CTNNA2: variants seen among roughly 807,000 people sequenced by gnomAD.
The protein encoded by CTNNA2 is catenin alpha-2.
In CTNNA2, 42 loss-of-function variants were observed where a neutral mutation model predicts 101.0. The observed-to-expected ratio is 0.42, with a 90% confidence interval of 0.32 to 0.54. The LOEUF (loss-of-function observed/expected upper bound fraction) is 0.54, where lower values mean the gene tolerates loss of function less well. CTNNA2 is among the 20% of genes least tolerant of loss of function. The pLI, the probability that CTNNA2 is intolerant of heterozygous loss-of-function variation, is 0.14. For synonymous variants in CTNNA2, 450 were observed against 456.4 expected, an observed-to-expected ratio of 0.99 and a Z score of 0.18; for missense variants, 871 against 1,223.1, an observed-to-expected ratio of 0.71 and a Z score of 4.29.
intron 11 of CTNNA2, among the ~76,000 whole-genome samples, chr2:80,550,430 A>C (rs1692466688): frequency 6.6e-6 from 1 of 152,148 alleles, no homozygotes; most frequent in African/African-American, 2.4e-5. Flanking sequence ...TGATGCGTTG[A>C]TTGACTATTC....
chr2:79,680,529 T>C (rs1315248453), intron 2 of CTNNA2, among the ~76,000 whole-genome samples: 1 of 152,200 alleles, frequency 6.6e-6, no homozygotes, highest in Non-Finnish European at 1.5e-5. Flanking sequence ...TCCTTGAATG[T>C]ACCACACTGA....
At chr2:80,497,678 T>C (rs1687574470) in intron 9 of CTNNA2, among the ~76,000 whole-genome samples, 1 of 152,166 alleles carries the variant, frequency 6.6e-6, no homozygotes, top group Non-Finnish European at 1.5e-5. Context: ...TGTTACATTA[T>C]ATTAAACTCC....
intron 7 of CTNNA2, among the ~76,000 whole-genome samples, chr2:79,983,439 G>C (rs1691531163): frequency 6.6e-6 from 1 of 152,090 alleles, no homozygotes; most frequent in Non-Finnish European, 1.5e-5. Flanking sequence ...TACAGATGCT[G>C]ACTAGGATAG....
intron 7 of CTNNA2, among the ~76,000 whole-genome samples, chr2:80,321,409 A>C (rs1678670148): frequency 6.6e-6 from 1 of 152,230 alleles, no homozygotes; most frequent in Non-Finnish European, 1.5e-5. Flanking sequence ...AAACACTCCC[A>C]GTACAGTGTA....
chr2:80,492,891 C>A (rs1037569989), intron 9 of CTNNA2, among the ~76,000 whole-genome samples: 2 of 152,120 alleles, frequency 1.3e-5, no homozygotes, highest in Non-Finnish European at 2.9e-5. Context: ...CCATAATTCC[C>A]TTGGCGGACT....
At chr2:80,148,125 C>T (rs1232358322) in intron 7 of CTNNA2, among the ~76,000 whole-genome samples, 3 of 152,106 alleles carry the variant, frequency 2.0e-5, no homozygotes, top group Non-Finnish European at 4.4e-5. Context: ...CTCTTTCCTC[C>T]ATTGCAAATA....
chr2:80,270,112 G>C (rs927722267), intron 7 of CTNNA2, among the ~76,000 whole-genome samples: 2 of 152,108 alleles, frequency 1.3e-5, no homozygotes, highest in Admixed American at 6.5e-5. Context: ...AGGTGAATTC[G>C]TTCCGATGAG....
chr2:80,576,373 A>ATTTTTTTTTTTTTT (rs5832458), intron 13 of CTNNA2: 1 of 138,824 alleles, frequency 7.2e-6, no homozygotes, highest in Non-Finnish European at 1.5e-5. Context: ...CCATGAAACC[A>ATTTTTTTTTTTTTT]TTTTTTTTTT....
intron 15 of CTNNA2, among the ~76,000 whole-genome samples, chr2:80,591,652 A>G (rs1322009279): frequency 1.3e-5 from 2 of 151,958 alleles, no homozygotes; most frequent in African/African-American, 2.4e-5. Context: ...TTATTTAAAG[A>G]ATGGATGTAG....
intron 3 of CTNNA2, among the ~76,000 whole-genome samples, chr2:79,810,418 C>T (rs1676921125): frequency 6.6e-6 from 1 of 152,036 alleles, no homozygotes; most frequent in South Asian, 2.1e-4. Context: ...CATTTATCTC[C>T]CCCTGGGTCC....
At chr2:80,118,091 A>G (rs1049417328) in intron 7 of CTNNA2, among the ~76,000 whole-genome samples, 3 of 152,180 alleles carry the variant, frequency 2.0e-5, no homozygotes, top group Non-Finnish European at 4.4e-5. Flanking sequence ...ACAGTTACCT[A>G]TCACCCAAAT....
At chr2:80,532,356 G>C (rs922061762) in intron 9 of CTNNA2, among the ~76,000 whole-genome samples, 1 of 152,118 alleles carries the variant, frequency 6.6e-6, no homozygotes, top group Non-Finnish European at 1.5e-5. Flanking sequence ...CATCCACCCT[G>C]AATGTCAATC....
intron 2 of CTNNA2, among the ~76,000 whole-genome samples, chr2:79,708,982 A>C (rs1179448229): frequency 6.6e-6 from 1 of 152,074 alleles, no homozygotes; most frequent in East Asian, 1.9e-4. Flanking sequence ...AGTCCTTGAT[A>C]CTCTTGACCT....
intron 7 of CTNNA2, among the ~76,000 whole-genome samples, chr2:79,970,814 A>T (rs1266551536): frequency 6.6e-6 from 1 of 152,142 alleles, no homozygotes; most frequent in South Asian, 2.1e-4. Context: ...CGTCTAAAAA[A>T]ATTGAAAGTC....
chr2:79,408,075 A>G (rs1678359686), intron 4 of CTNNA2, among the ~76,000 whole-genome samples: 1 of 151,978 alleles, frequency 6.6e-6, no homozygotes, highest in Non-Finnish European at 1.5e-5. Flanking sequence ...ATTCAGTTCC[A>G]TCCTGCAGTC....
chr2:79,724,587 G>A (rs959059875), intron 2 of CTNNA2, among the ~76,000 whole-genome samples: 7 of 152,014 alleles, frequency 4.6e-5, no homozygotes, highest in South Asian at 2.1e-4. Flanking sequence ...AGGCTGAGGC[G>A]GTCGCATCAG....
At chr2:80,075,434 TA>T (rs1207816501) in intron 7 of CTNNA2, among the ~76,000 whole-genome samples, 2 of 151,932 alleles carry the variant, frequency 1.3e-5, no homozygotes. Context: ...AATAAGGTGA[TA>T]ATAGCGTCTA....
intron 2 of CTNNA2, among the ~76,000 whole-genome samples, chr2:79,209,068 CACTTTGGA>C (rs1674136516): frequency 1.3e-5 from 2 of 152,224 alleles, no homozygotes; most frequent in South Asian, 4.2e-4. Flanking sequence ...GTAATCCCAG[CACTTTGGA>C]AGGCCGAGGC....
rs560881696 is a variant in CTNNA2, at chr2:79,498,745, TC to T, written c.-134-6308del. Among the ~76,000 whole-genome samples, 5 of 152,316 alleles carry T rather than the reference TC, an allele frequency of 3.3e-5. No homozygotes were observed. The East Asian group carries it at 9.7e-4, about 29-fold the overall frequency. On this transcript the variant is annotated intron_variant, in intron 4 of 21. Transcript: ENST00000466387. Reference sequence around the variant, plus strand: ...CTTGAGAGAGGTCTGAAGAGTAGGCTCACGTTGTATACTAATCTTGTCAACC... The same window carrying T: ...CTTGAGAGAGGTCTGAAGAGTAGGCTACGTTGTATACTAATCTTGTCAACC...
Sources: allele counts gnomAD v4.1 joint callset (sites outside exome capture counted in the v4.1 genomes callset), GRCh38; gene constraint gnomAD v4.1.1; transcripts MANE v1.5; gene names NCBI Gene and HGNC (gene_info 2026-07-23, HGNC 2026-07-21).